The following ORC5 variants were observed in gnomAD, a reference collection of about 807,000 sequenced individuals.
ORC5 encodes the protein origin recognition complex subunit 5.
ORC5 carries 39 observed loss-of-function variants against 58.8 expected under a neutral mutation model. That is an observed-to-expected ratio of 0.66 (90% CI 0.51 to 0.87). The LOEUF is 0.87. Among genes scored for constraint, ORC5 ranks in the 40% least tolerant of loss-of-function variants. ORC5 has a pLI of 0.00. For missense variants in ORC5, 493 were observed against 506.3 expected, an observed-to-expected ratio of 0.97 and a Z score of 0.25; for synonymous variants, 218 against 177.6, an observed-to-expected ratio of 1.23 and a Z score of -1.81.
intron 4 of ORC5, among the ~76,000 whole-genome samples, chr7:104,195,691 T>C (rs919357138): frequency 2.0e-5 from 3 of 152,350 alleles, no homozygotes; most frequent in Non-Finnish European, 4.4e-5. Flanking sequence ...ATATTGGATC[T>C]GATTTTTTAA....
chr7:104,166,224 G>T (rs1283285949), intron 10 of ORC5, among the ~76,000 whole-genome samples: 1 of 152,158 alleles, frequency 6.6e-6, no homozygotes, highest in Non-Finnish European at 1.5e-5. Flanking sequence ...ACTGAAGCAT[G>T]AAGAATGAGT....
chr7:104,158,646 C>T (rs1188865799), intron 12 of ORC5, among the ~76,000 whole-genome samples: 1 of 151,934 alleles, frequency 6.6e-6, no homozygotes, highest in East Asian at 1.9e-4. Context: ...AAACAAACAA[C>T]CCCATCAAAA....
chr7:104,152,165 G>C (rs1039366260), intron 12 of ORC5, among the ~76,000 whole-genome samples: 3 of 151,778 alleles, frequency 2.0e-5, no homozygotes, highest in Admixed American at 1.3e-4. Context: ...TTGTTTTTTG[G>C]GGGGATGGAG....
intron 5 of ORC5, among the ~76,000 whole-genome samples, chr7:104,190,478 T>A (rs756805940): frequency 6.6e-6 from 1 of 152,168 alleles, no homozygotes; most frequent in Non-Finnish European, 1.5e-5. Flanking sequence ...ATCTTTACTC[T>A]ACTTCTATTA....
intron 5 of ORC5, among the ~76,000 whole-genome samples, chr7:104,192,397 A>G (rs949945932): frequency 6.6e-6 from 1 of 152,168 alleles, no homozygotes; most frequent in East Asian, 1.9e-4. Context: ...TCATGTTGCC[A>G]CTAGTCAGAA....
rs374101125 is a variant in ORC5, at chr7:104,183,924, A to C, written c.824+19T>G. On this transcript the variant is annotated intron_variant, in intron 8 of 13. Coordinates refer to ENST00000297431, the MANE Select transcript of ORC5 (RefSeq NM_002553.4). Reference sequence around the variant, plus strand: ...AATAAAGATATAAAAACTAGTATGCATACTAAATAGAAAATTACCTTGATA... The same window carrying C: ...AATAAAGATATAAAAACTAGTATGCCTACTAAATAGAAAATTACCTTGATA... 2 of 1,507,032 alleles carry C rather than the reference A, an allele frequency of 1.3e-6. No individual in the cohort carries two copies. The highest frequency in any genetic ancestry group is 1.8e-6 in the Non-Finnish European group (2 of 1,087,192). The allele number at this position is 1,507,032 out of a possible 1,614,324, so 93.4% of individuals were successfully genotyped here.
chr7:104,187,882 ATAT>A (rs1435152061), intron 6 of ORC5: 65 of 990,062 alleles, frequency 6.6e-5, no homozygotes, highest in Non-Finnish European at 7.7e-5. Context: ...CTGTTACAAA[ATAT>A]TAACAGAGTT....
chr7:104,204,388 T>A (rs1156976277), intron 1 of ORC5, among the ~76,000 whole-genome samples, 154 bp from the exon 2 acceptor site: 3 of 152,222 alleles, frequency 2.0e-5, no homozygotes, highest in African/African-American at 7.2e-5. Context: ...ACTTTGAACC[T>A]ACTTGAATTC....
chr7:104,136,902 G>A lies in ORC5; in HGVS notation c.1150-9C>T, dbSNP rs1472098690. On this transcript the variant is annotated splice_polypyrimidine_tract_variant and intron_variant, in intron 12 of 13. Coordinates refer to ENST00000297431, the MANE Select transcript of ORC5 (RefSeq NM_002553.4). This position sits in a 1 kb window ranked among gnomAD's most constrained non-coding sequence, Gnocchi z 4.2. ...GTCACTAGAGAGGTAATCTAAAAGA[G>A]AACATTTTTATAAGAAACTGTTTTA... 2 of 1,570,320 alleles carry A rather than the reference G, an allele frequency of 1.3e-6. No individual in the cohort carries two copies. Among genetic ancestry groups the A allele is most frequent in the East Asian group, 4.5e-5 (2 of 44,604 alleles).
At chr7:104,175,610 AATGTT>A (rs1432220093) in intron 8 of ORC5, among the ~76,000 whole-genome samples, 2 of 152,234 alleles carry the variant, frequency 1.3e-5, no homozygotes, top group African/African-American at 2.4e-5. Flanking sequence ...AGAAGAGATC[AATGTT>A]TATAAGAGTT....
At chr7:104,147,341 A>G (rs1798773216) in intron 12 of ORC5, among the ~76,000 whole-genome samples, 1 of 152,216 alleles carries the variant, frequency 6.6e-6, no homozygotes, top group South Asian at 2.1e-4. Flanking sequence ...TTATAGCAAA[A>G]GTATTGCTAT....
At chr7:104,132,418 C>T (rs920995564) in intron 13 of ORC5, among the ~76,000 whole-genome samples, 13 of 152,114 alleles carry the variant, frequency 8.5e-5, no homozygotes, top group African/African-American at 3.1e-4. Context: ...ATCCTGTGAT[C>T]CCTATTATCT....
rs180937376 is a variant in ORC5 at position 104,144,684 on chromosome 7, G to A, written c.1150-7791C>T. ...AGGCAGGAGAATCGCTTTAACTTGG[G>A]AGGCGGAGATTGCAGTGAGCTGAGA... On this transcript the variant is annotated intron_variant, in intron 12 of 13. Coordinates refer to ENST00000297431, the MANE Select transcript of ORC5 (RefSeq NM_002553.4). Among the ~76,000 whole-genome samples, 504 of 152,322 alleles carry A rather than the reference G, an allele frequency of 3.3e-3. 1 individual carries two copies. Among genetic ancestry groups the A allele is most frequent in the Non-Finnish European group, 4.3e-3 (293 of 68,022 alleles).
chr7:104,147,113 A>G (rs1179723861), intron 12 of ORC5, among the ~76,000 whole-genome samples: 1 of 152,188 alleles, frequency 6.6e-6, no homozygotes, highest in African/African-American at 2.4e-5. Context: ...AAGCTAAAAA[A>G]ATCTACTTGT....
chr7:104,136,888 G>A lies in ORC5; in HGVS notation c.1155C>T (p.Thr385=), dbSNP rs1264722334. Residue 385 remains threonine (T), a synonymous_variant, in exon 13 of 14, where the codon ACC becomes ACT. Transcript: ENST00000297431. This position sits in a 1 kb window ranked among gnomAD's most constrained non-coding sequence, Gnocchi z 4.2. ...TTAACAGCTGAAGGGTCACTAGAGAGGTAATCTAAAAGAGAACATTTTTAT... is the reference window on the plus strand; with the variant it reads ...TTAACAGCTGAAGGGTCACTAGAGAAGTAATCTAAAAGAGAACATTTTTAT... ...APTANIFSQI[T]SLVTLQLLTL... The A allele has an allele frequency of 6.2e-7, 1 of 1,608,768 alleles. No individual in the cohort carries two copies. Among genetic ancestry groups the A allele is most frequent in the African/African-American group, 1.3e-5 (1 of 74,892 alleles).
intron 12 of ORC5, 79 bp downstream of exon 12, chr7:104,160,993 G>A (rs1799012333): frequency 2.5e-6 from 2 of 813,022 alleles, no homozygotes; most frequent in African/African-American, 3.4e-5. Context: ...ACAAAAATCT[G>A]AATGCCTGGA....
chr7:104,175,199 T>C (rs936757353), intron 8 of ORC5, among the ~76,000 whole-genome samples: 1 of 152,202 alleles, frequency 6.6e-6, no homozygotes, highest in African/African-American at 2.4e-5. Flanking sequence ...CAAACGGATT[T>C]GCCGCTGGTA....
intron 8 of ORC5, among the ~76,000 whole-genome samples, chr7:104,177,546 T>A (rs1363790679): frequency 6.6e-6 from 1 of 152,150 alleles, no homozygotes; most frequent in Non-Finnish European, 1.5e-5. Flanking sequence ...ATAAGATGTG[T>A]TTTTAATGAG....
intron 12 of ORC5, among the ~76,000 whole-genome samples, chr7:104,144,836 T>C (rs1798730287): frequency 6.6e-6 from 1 of 152,212 alleles, no homozygotes. Flanking sequence ...CATGACAATA[T>C]GAACTCAGAT....
Sources: gnomAD v4.1 joint callset for allele counts (sites outside exome capture counted in the v4.1 genomes callset) on GRCh38, gnomAD v4.1.1 for gene constraint, Gnocchi (gnomAD v3.1) non-coding constraint, MANE v1.5 for transcripts, NCBI Gene and HGNC (gene_info 2026-07-23, HGNC 2026-07-21) for gene names.